ATP10B: variants seen among roughly 807,000 people sequenced by gnomAD.
ATP10B encodes phospholipid-transporting ATPase VB.
Under a neutral mutation model 141.2 loss-of-function variants are expected in ATP10B, and 122 were observed. That is an observed-to-expected ratio of 0.86 (90% CI 0.75 to 1.00). The LOEUF (loss-of-function observed/expected upper bound fraction) is 1.00. Among genes scored for constraint, ATP10B ranks in the 50% least tolerant of loss-of-function variants. The pLI, the probability that ATP10B is intolerant of heterozygous loss-of-function variation, is 0.00. For synonymous variants in ATP10B, 685 were observed against 692.0 expected (o/e 0.99, Z 0.16); for missense variants, 1,876 against 1,825.3 (o/e 1.03, Z -0.51).
intron 22 of ATP10B, among the ~76,000 whole-genome samples, chr5:160,597,486 C>G (rs1756789249): frequency 6.6e-6 from 1 of 152,190 alleles, no homozygotes; most frequent in Non-Finnish European, 1.5e-5. Flanking sequence ...TAGTCATGCA[C>G]AAGGACTTCA....
At chr5:160,645,166 CT>C (rs1216131322) in intron 8 of ATP10B, among the ~76,000 whole-genome samples, 2 of 150,270 alleles carry the variant, frequency 1.3e-5, no homozygotes, top group African/African-American at 2.4e-5. Context: ...TGGAGTTACC[CT>C]TCTTTTATCC....
intron 3 of ATP10B, among the ~76,000 whole-genome samples, chr5:160,704,105 T>C (rs1224786453): frequency 6.6e-6 from 1 of 152,180 alleles, no homozygotes; most frequent in Non-Finnish European, 1.5e-5. Context: ...GCCTCTTTAG[T>C]AACTGGGAGT....
the ATP10B span, among the ~76,000 whole-genome samples, chr5:160,874,027 C>A: frequency 6.6e-6 from 1 of 152,212 alleles, no homozygotes. Flanking sequence ...CTGGGTGGAG[C>A]CCACCACAGC....
chr5:160,660,899 T>TA (rs1368398058), intron 7 of ATP10B, among the ~76,000 whole-genome samples: 1 of 152,118 alleles, frequency 6.6e-6, no homozygotes, highest in Non-Finnish European at 1.5e-5. Flanking sequence ...TAAGAAATCG[T>TA]ACAGGGGCTG....
intron 1 of ATP10B, among the ~76,000 whole-genome samples, chr5:160,840,646 T>A (rs1304954424): frequency 6.6e-6 from 1 of 152,094 alleles, no homozygotes. Flanking sequence ...ATGAAAAAGT[T>A]TTTAGCTGAT....
At chr5:160,760,484 A>G (rs1768952052) in intron 2 of ATP10B, among the ~76,000 whole-genome samples, 1 of 152,260 alleles carries the variant, frequency 6.6e-6, no homozygotes, top group South Asian at 2.1e-4. Context: ...TATATGCTAC[A>G]GTAAAATTTT....
intron 1 of ATP10B, among the ~76,000 whole-genome samples, chr5:160,824,107 C>T (rs918794281): frequency 3.3e-5 from 5 of 151,872 alleles, no homozygotes; most frequent in African/African-American, 4.8e-5. Context: ...CTGCAAGCTC[C>T]GCCTCCTGGG....
chr5:160,837,376 G>A (rs775076684), intron 1 of ATP10B, among the ~76,000 whole-genome samples: 2 of 152,062 alleles, frequency 1.3e-5, no homozygotes, highest in Non-Finnish European at 2.9e-5. Context: ...TTAGTACCTG[G>A]CATAGTGCCA....
At chr5:160,821,683 G>C (rs1322149028) in intron 1 of ATP10B, among the ~76,000 whole-genome samples, 1 of 152,026 alleles carries the variant, frequency 6.6e-6, no homozygotes. Context: ...GAGCAGAATA[G>C]AGAGCCCAGA....
rs150955232 is a variant in ATP10B at position 160,832,397 on chromosome 5, T to C, written c.-576+19544A>G. On this transcript the variant is annotated intron_variant, in intron 1 of 25. Transcript: ENST00000327245. ...AAATACTCAAAAGAATAAGGTAGTT[T>C]TATATGTACTAATAGGGAAAAATGC... 6.0e-3 allele frequency among the ~76,000 whole-genome samples: 917 copies of C among 152,256 alleles called. 13 individuals carry two copies. Among genetic ancestry groups the C allele is most frequent in the African/African-American group, 0.021 (873 of 41,562 alleles).
At chr5:160,616,739 A>G (rs1758020829) in intron 16 of ATP10B, among the ~76,000 whole-genome samples, 2 of 152,236 alleles carry the variant, frequency 1.3e-5, no homozygotes, top group Non-Finnish European at 2.9e-5. Context: ...GCATGGCACT[A>G]TAGAGAAAAC....
intron 1 of ATP10B, among the ~76,000 whole-genome samples, chr5:160,825,829 C>A (rs1774560331): frequency 6.6e-6 from 1 of 152,194 alleles, no homozygotes; most frequent in Admixed American, 6.5e-5. Context: ...GACCAGTAGT[C>A]AGCAGTGTCT....
chr5:160,704,506 T>C (rs1764861690), intron 3 of ATP10B, among the ~76,000 whole-genome samples: 1 of 152,146 alleles, frequency 6.6e-6, no homozygotes, highest in South Asian at 2.1e-4. Flanking sequence ...ACAAGCAGAG[T>C]AGATTTAGCA....
At chr5:160,643,247 A>G (rs1354897663) in intron 9 of ATP10B, among the ~76,000 whole-genome samples, 1 of 152,220 alleles carries the variant, frequency 6.6e-6, no homozygotes, top group Non-Finnish European at 1.5e-5. Flanking sequence ...ATGCTTTTCT[A>G]TGTCCATCAG....
rs148375576 is a variant in ATP10B, at chr5:160,813,317, C to T, written c.-575-27514G>A. ...GCGCTTTTCCAATGGTCTTAGCAAA[C>T]GACACACCAGGAGATTATATCCCGC... On this transcript the variant is annotated intron_variant, in intron 1 of 25. Coordinates refer to ENST00000327245, the MANE Select transcript of ATP10B (RefSeq NM_025153.3). Among the ~76,000 whole-genome samples, 1,271 of 152,336 alleles carry T rather than the reference C, an allele frequency of 8.3e-3. 20 individuals carry two copies. Among genetic ancestry groups the T allele is most frequent in the African/African-American group, 0.027 (1,119 of 41,580 alleles).
chr5:160,618,034 C>G, intron 15 of ATP10B, 61 bp from the exon 16 acceptor site: 1 of 1,305,904 alleles, frequency 7.7e-7, no homozygotes, highest in Non-Finnish European at 1.1e-6. Flanking sequence ...TCCCCATCCC[C>G]AATACCCTGG....
At chr5:160,812,026 G>C (rs10043625) in intron 1 of ATP10B, among the ~76,000 whole-genome samples, 87 of 26,556 alleles carry the variant, frequency 3.3e-3, no homozygotes, top group East Asian at 8.3e-3. Flanking sequence ...GAGACAGAGA[G>C]AGAGAGAGAG....
the ATP10B span, among the ~76,000 whole-genome samples, chr5:160,884,015 A>C: frequency 1.3e-5 from 2 of 152,282 alleles, no homozygotes; most frequent in African/African-American, 4.8e-5. Flanking sequence ...AATTGTTAGC[A>C]CTCTTCAAAT....
intron 1 of ATP10B, among the ~76,000 whole-genome samples, chr5:160,838,447 C>T (rs555448327): frequency 6.6e-6 from 1 of 152,300 alleles, no homozygotes; most frequent in Admixed American, 6.5e-5. Context: ...CATTCCACTT[C>T]TGTTCTCTAT....
Sources: allele counts gnomAD v4.1 joint callset (sites outside exome capture counted in the v4.1 genomes callset), GRCh38; gene constraint gnomAD v4.1.1; transcripts MANE v1.5; gene names NCBI Gene and HGNC (gene_info 2026-07-23, HGNC 2026-07-21).